The following PRH1 variants were observed in gnomAD, a reference collection of about 807,000 sequenced individuals.
PRH1 encodes proline rich protein HaeIII subfamily 1, also known as salivary acidic proline-rich phosphoprotein 1/2.
A neutral mutation model predicts 7.9 loss-of-function variants in PRH1; 7 were observed. The observed-to-expected ratio is 0.89, with a 90% CI of 0.50 to 1.67. PRH1 has a LOEUF of 1.67. Among genes scored for constraint, PRH1 ranks in the 40% most tolerant of loss-of-function variants. PRH1 has a pLI of 0.00. For synonymous variants in PRH1, 45 were observed against 80.8 expected (o/e 0.56, Z 2.38); for missense variants, 109 against 223.6 (o/e 0.49, Z 3.27).
chr12:11,071,592 G>A (rs1260693027), intron 1 of PRH1, among the ~76,000 whole-genome samples: 1 of 152,174 alleles, frequency 6.6e-6, no homozygotes, highest in South Asian at 2.1e-4. Context: ...TCTCCTGGGG[G>A]AAGGTGACAG....
rs564151822 is a variant in PRH1, at chr12:11,008,401, C to T, written c.-125-34680G>A. On this transcript the variant is annotated intron_variant, in intron 1 of 3. Coordinates refer to the PRH1 transcript ENST00000539853. The stretch of plus-strand genomic sequence containing the variant: ...AATAGAGCAATGTATCATAAACAGT[C>T]GAGTAACCATCATGTAGGGCAAGAC... Among the ~76,000 whole-genome samples the T allele has an allele frequency of 2.6e-5, 4 of 152,058 alleles. No homozygotes were observed. The South Asian group carries it at 8.3e-4, about 32-fold the overall frequency.
chr12:10,930,270 T>C (rs760684539), intron 2 of PRH1: 2 of 1,613,042 alleles, frequency 1.2e-6, no homozygotes, highest in East Asian at 2.2e-5. Context: ...CTTTTCTAGA[T>C]GTCAGCCAAG....
At chr12:11,134,119 G>C in intron 1 of PRH1, 1 of 1,614,100 alleles carries the variant, frequency 6.2e-7, no homozygotes, top group Non-Finnish European at 8.5e-7. Flanking sequence ...GGTCAACAAA[G>C]GAGATCTTTT....
chr12:11,078,609 T>G (rs1944391621), intron 1 of PRH1: 1 of 120,720 alleles, frequency 8.3e-6, no homozygotes, highest in Non-Finnish European at 2.0e-5. Context: ...TGCAATTTTT[T>G]TCCTTGTTTA....
At chr12:11,101,909 C>T (rs1945264101) in intron 1 of PRH1, among the ~76,000 whole-genome samples, 1 of 152,032 alleles carries the variant, frequency 6.6e-6, no homozygotes, top group Non-Finnish European at 1.5e-5. Flanking sequence ...AACAGACAAA[C>T]AGAGAGCCAA....
chr12:10,994,541 T>A (rs1287428299), intron 1 of PRH1, among the ~76,000 whole-genome samples: 1 of 152,182 alleles, frequency 6.6e-6, no homozygotes, highest in South Asian at 2.1e-4. Context: ...GCACATAGTG[T>A]CACATCTTCT....
intron 1 of PRH1, among the ~76,000 whole-genome samples, chr12:11,019,212 T>A (rs147498412): frequency 0.015 from 2,215 of 152,236 alleles, no homozygotes; most frequent in South Asian, 0.028. Context: ...ATATTTGTTG[T>A]GGCTTCCCCT....
intron 1 of PRH1, among the ~76,000 whole-genome samples, chr12:11,006,716 T>C (rs1455875653): frequency 6.6e-6 from 1 of 152,160 alleles, no homozygotes; most frequent in Non-Finnish European, 1.5e-5. Flanking sequence ...TTAAATTGGA[T>C]ATACACTTCA....
At chr12:11,043,943 C>T (rs953316830) in intron 1 of PRH1, among the ~76,000 whole-genome samples, 2 of 151,942 alleles carry the variant, frequency 1.3e-5, no homozygotes, top group African/African-American at 2.4e-5. Context: ...GAAAACAATC[C>T]TAAAATTTAT....
intron 2 of PRH1, among the ~76,000 whole-genome samples, chr12:10,957,691 G>C (rs1938040768): frequency 6.6e-6 from 1 of 151,816 alleles, no homozygotes. Context: ...GTAATATCCG[G>C]AACATATAAG....
chr12:11,033,942 A>G (rs76590938), intron 1 of PRH1, among the ~76,000 whole-genome samples: 66,069 of 151,122 alleles, frequency 0.44, 15,217 homozygotes, highest in Non-Finnish European at 0.51. Context: ...AACAGGCTAG[A>G]TCCACCTCCA....
At chr12:10,929,855 T>A (rs1240052604) in intron 2 of PRH1, among the ~76,000 whole-genome samples, 1 of 152,236 alleles carries the variant, frequency 6.6e-6, no homozygotes, top group Non-Finnish European at 1.5e-5. Flanking sequence ...TATTTTAATG[T>A]GCTGGGACGG....
intron 2 of PRH1, among the ~76,000 whole-genome samples, chr12:10,899,884 A>G (rs4763592): frequency 0.5 from 75,399 of 152,060 alleles, 20,940 homozygotes; most frequent in East Asian, 0.72. Flanking sequence ...GCACACAAAG[A>G]AATAGAAAAT....
intron 1 of PRH1, among the ~76,000 whole-genome samples, chr12:11,111,370 C>A (rs549091335): frequency 6.6e-6 from 1 of 152,342 alleles, no homozygotes; most frequent in South Asian, 2.1e-4. Flanking sequence ...CACCACATCA[C>A]ACTAATTCTA....
At chr12:11,034,013 T>C (rs894450493) in intron 1 of PRH1, among the ~76,000 whole-genome samples, 9 of 143,124 alleles carry the variant, frequency 6.3e-5, no homozygotes, top group Non-Finnish European at 1.2e-4. Context: ...ATATCCATAA[T>C]TTATAATGGT....
intron 1 of PRH1, among the ~76,000 whole-genome samples, chr12:11,009,476 C>T (rs1002964554): frequency 6.6e-6 from 1 of 151,748 alleles, no homozygotes; most frequent in Non-Finnish European, 1.5e-5. Context: ...TTGCTTTTGC[C>T]CCATTTCTCA....
chr12:11,075,219 G>A (rs1168304641), intron 1 of PRH1, among the ~76,000 whole-genome samples: 1 of 108,394 alleles, frequency 9.2e-6, no homozygotes, highest in African/African-American at 3.2e-5. Context: ...TAAATAATGT[G>A]TAAGAAAGGT....
Position 10,934,844 on chromosome 12 carries a change from C to T in PRH1, c.-59+38811G>A, listed in dbSNP as rs189918793. On this transcript the variant is annotated intron_variant, in intron 2 of 3. Coordinates refer to the PRH1 transcript ENST00000539853. Reference sequence around the variant, plus strand: ...ATAAACAAATAAAGACAATTCTCTGCATCATTGTGCATGTTTGCTTTATCT... The same window carrying T: ...ATAAACAAATAAAGACAATTCTCTGTATCATTGTGCATGTTTGCTTTATCT... 2.6e-5 allele frequency among the ~76,000 whole-genome samples: 4 copies of T among 152,238 alleles called. No homozygotes were observed. The East Asian group carries it at 7.7e-4, about 29-fold the overall frequency.
In PRH1 at chr12:11,096,786, T is replaced by C. The variant is rs1251773255; in HGVS notation, n.124-49598A>G. 5.3e-5 allele frequency among the ~76,000 whole-genome samples: 6 copies of C among 112,796 alleles called. No individual in the cohort carries two copies. The Admixed American group carries it at 5.4e-4, about 10-fold the overall frequency. The allele number at this position is 112,796 out of a possible 152,430, so 74.0% of individuals were successfully genotyped here. On this transcript the variant is annotated intron_variant and non_coding_transcript_variant, in intron 1 of 4. Coordinates refer to the PRH1 transcript ENST00000541977. ...CCATTATTTAAATTTTATGCGGTTT[T>C]TGTTTTTTTTGTTGTTGTTGTTGTT... is the stretch of plus-strand genomic sequence containing the variant.
Sources: allele counts gnomAD v4.1 joint callset (sites outside exome capture counted in the v4.1 genomes callset), GRCh38; gene constraint gnomAD v4.1.1; transcripts MANE v1.5; gene names NCBI Gene and HGNC (gene_info 2026-07-23, HGNC 2026-07-21).